Variants in NUAK1 observed in about 807,000 individuals in gnomAD.
NUAK1 encodes the protein NUAK family kinase 1, also known as NUAK family SNF1-like kinase 1.
A neutral mutation model predicts 56.9 loss-of-function variants in NUAK1; 26 were observed. The observed-to-expected ratio is 0.46, with a 90% CI of 0.33 to 0.63. The LOEUF (loss-of-function observed/expected upper bound fraction) is 0.63. Ranked by LOEUF, NUAK1 falls within the 30% of genes least tolerant of loss-of-function variation. NUAK1 has a pLI of 0.02. For synonymous variants in NUAK1, 337 were observed against 336.0 expected, an observed-to-expected ratio of 1.00 and a Z score of -0.03; for missense variants, 727 against 876.1, an observed-to-expected ratio of 0.83 and a Z score of 2.15.
intron 4 of NUAK1, among the ~76,000 whole-genome samples, chr12:106,081,268 C>G (rs2032515475): frequency 6.6e-6 from 1 of 152,118 alleles, no homozygotes; most frequent in African/African-American, 2.4e-5. Context: ...CTTTCTGGGT[C>G]TAATCATTAA....
At chr12:106,080,479 A>G (rs2032505309) in intron 4 of NUAK1, among the ~76,000 whole-genome samples, 1 of 152,226 alleles carries the variant, frequency 6.6e-6, no homozygotes, top group African/African-American at 2.4e-5. Context: ...CTATTTTAGT[A>G]GACATGCTTC....
At chr12:106,101,861 C>A (rs1209834318) in intron 2 of NUAK1, among the ~76,000 whole-genome samples, 3 of 152,016 alleles carry the variant, frequency 2.0e-5, no homozygotes, top group Admixed American at 6.5e-5. Flanking sequence ...GGATGTCTAA[C>A]TTCACGTTCA....
At chr12:106,086,711 C>G (rs958148294) in intron 3 of NUAK1, 23 bp downstream of exon 3, 1 of 1,590,906 alleles carries the variant, frequency 6.3e-7, no homozygotes, top group Admixed American at 1.7e-5. Context: ...ACGGCCAAAG[C>G]TGCGGGCCAG....
intron 2 of NUAK1, among the ~76,000 whole-genome samples, chr12:106,096,802 G>C (rs2032700804): frequency 6.6e-6 from 1 of 152,216 alleles, no homozygotes; most frequent in African/African-American, 2.4e-5. Flanking sequence ...CAAGTTTCCA[G>C]AGCAGGGCTC....
intron 1 of NUAK1, among the ~76,000 whole-genome samples, chr12:106,111,131 G>C (rs2032854600): frequency 6.6e-6 from 1 of 152,114 alleles, no homozygotes. Context: ...TGTAAAATGG[G>C]GTTACAAAAT....
At chr12:106,091,086 A>G (rs564638062) in intron 2 of NUAK1, among the ~76,000 whole-genome samples, 16 of 152,322 alleles carry the variant, frequency 1.1e-4, no homozygotes, top group Non-Finnish European at 2.1e-4. Context: ...TAGCAAAAAA[A>G]GGCTGCTTCC....
At chr12:106,119,251 G>A (rs981789853) in intron 1 of NUAK1, among the ~76,000 whole-genome samples, 2 of 152,162 alleles carry the variant, frequency 1.3e-5, no homozygotes, top group South Asian at 4.1e-4. Flanking sequence ...GTAAGAGGTA[G>A]CAAAATAGAA....
chr12:106,091,409 C>T (rs2032633671), intron 2 of NUAK1, among the ~76,000 whole-genome samples: 1 of 152,152 alleles, frequency 6.6e-6, no homozygotes, highest in Admixed American at 6.5e-5. Flanking sequence ...GTTTTTAGCA[C>T]AGCAGAAAGC....
At chr12:106,132,524 G>A (rs140214816) in intron 1 of NUAK1, among the ~76,000 whole-genome samples, 23 of 152,308 alleles carry the variant, frequency 1.5e-4, no homozygotes, top group African/African-American at 5.3e-4. Context: ...AACACACACT[G>A]GCATGGTGTG....
intron 1 of NUAK1, among the ~76,000 whole-genome samples, chr12:106,114,344 C>T (rs951791936): frequency 1.3e-5 from 2 of 152,204 alleles, no homozygotes; most frequent in Non-Finnish European, 2.9e-5. Flanking sequence ...CCAGCCAAGG[C>T]GACTCCTATA....
intron 6 of NUAK1, among the ~76,000 whole-genome samples, chr12:106,068,663 T>C (rs958080129): frequency 6.6e-6 from 1 of 152,256 alleles, no homozygotes; most frequent in South Asian, 2.1e-4. Context: ...CTGGAAATTC[T>C]ACCTGCAAAT....
chr12:106,115,171 G>A lies in NUAK1; in HGVS notation c.241-8646C>T, dbSNP rs150513551. On this transcript the variant is annotated intron_variant, in intron 1 of 6. Transcript: ENST00000261402. Reference sequence around the variant, plus strand: ...AGCTAGGAACACAAAAACCTAAGAAGCAAAATTAGTTTTCCAAAGGGAAAG... The same window carrying A: ...AGCTAGGAACACAAAAACCTAAGAAACAAAATTAGTTTTCCAAAGGGAAAG... Among the ~76,000 whole-genome samples, 441 of 152,236 alleles carry A rather than the reference G, an allele frequency of 2.9e-3. 3 individuals are homozygous for A. The highest frequency in any genetic ancestry group is 0.01 in the African/African-American group (417 of 41,538).
intron 1 of NUAK1, among the ~76,000 whole-genome samples, chr12:106,115,811 T>A (rs1592860118): frequency 1.3e-5 from 2 of 152,176 alleles, no homozygotes; most frequent in East Asian, 3.9e-4. Flanking sequence ...CAACTCTCAG[T>A]TCCTACCCTC....
chr12:106,073,090 T>C (rs1192747471), intron 4 of NUAK1, among the ~76,000 whole-genome samples: 1 of 152,246 alleles, frequency 6.6e-6, no homozygotes, highest in Non-Finnish European at 1.5e-5. Flanking sequence ...GACTACAAGC[T>C]CTGCAACTTA....
intron 2 of NUAK1, among the ~76,000 whole-genome samples, chr12:106,095,221 T>C (rs912370085): frequency 1.3e-5 from 2 of 152,178 alleles, no homozygotes; most frequent in East Asian, 1.9e-4. Context: ...GCCCCGGCAA[T>C]TGATCAGAAC....
intron 1 of NUAK1, among the ~76,000 whole-genome samples, chr12:106,134,585 G>A (rs570739133): frequency 1.3e-5 from 2 of 152,324 alleles, no homozygotes; most frequent in East Asian, 3.9e-4. Context: ...GAGATAACCT[G>A]GTACAGTGAG....
At chr12:106,093,296 C>T (rs1438186717) in intron 2 of NUAK1, among the ~76,000 whole-genome samples, 2 of 152,206 alleles carry the variant, frequency 1.3e-5, no homozygotes, top group Admixed American at 1.3e-4. Context: ...CACTGGCAGG[C>T]CTTCCTTCTT....
intron 1 of NUAK1, among the ~76,000 whole-genome samples, chr12:106,120,002 C>G (rs2032957723): frequency 6.6e-6 from 1 of 152,084 alleles, no homozygotes; most frequent in Non-Finnish European, 1.5e-5. Context: ...ATTTAGAGCT[C>G]TCTATTATAA....
chr12:106,098,947 CT>C (rs2136468333), intron 2 of NUAK1, among the ~76,000 whole-genome samples: 1 of 152,308 alleles, frequency 6.6e-6, no homozygotes, highest in South Asian at 2.1e-4. Context: ...AATTACCTCC[CT>C]GCTGAGAGAA....
Sources: gnomAD v4.1 joint callset for allele counts (sites outside exome capture counted in the v4.1 genomes callset) on GRCh38, gnomAD v4.1.1 for gene constraint, MANE v1.5 for transcripts, NCBI Gene and HGNC (gene_info 2026-07-23, HGNC 2026-07-21) for gene names.